EPS15L1: variants seen among roughly 807,000 people sequenced by gnomAD.
EPS15L1 encodes epidermal growth factor receptor substrate 15-like 1.
A neutral mutation model predicts 117.1 loss-of-function variants in EPS15L1; 43 were observed. The observed-to-expected ratio is 0.37, with a 90% CI of 0.29 to 0.47. The LOEUF (loss-of-function observed/expected upper bound fraction) is 0.47, where lower values mean the gene tolerates loss of function less well. EPS15L1 is among the 20% of genes least tolerant of loss of function. The pLI, the probability that EPS15L1 is intolerant of heterozygous loss-of-function variation, is 0.99. For missense variants in EPS15L1, 981 were observed against 1,164.0 expected, an observed-to-expected ratio of 0.84 and a Z score of 2.29; for synonymous variants, 459 against 470.5, an observed-to-expected ratio of 0.98 and a Z score of 0.32.
Position 16,355,846 on chromosome 19 carries a change from G to A in EPS15L1, c.2592C>T (p.Gly864=). 6.5e-7 allele frequency: 1 copy of A among 1,535,774 alleles called. No individual in the cohort carries two copies. The highest frequency in any genetic ancestry group is 8.7e-7 in the Non-Finnish European group (1 of 1,146,590). ...CCCACGCCAGCTGCTGCTCCTCATTGCCAAACTGCAAAGGAAAAACGGAGA... is the reference window on the plus strand; with the variant it reads ...CCCACGCCAGCTGCTGCTCCTCATTACCAAACTGCAAAGGAAAAACGGAGA... ...ASGFADFTSF[G]NEEQQLAWAK... is the part of the protein sequence containing the mutation. The change falls in exon 24 of 24, where the codon GGC becomes GGT. Residue 864 remains glycine, a synonymous_variant. Transcript: ENST00000455140.
At chr19:16,382,596 C>T (rs565994491) in intron 21 of EPS15L1, among the ~76,000 whole-genome samples, 6 of 150,054 alleles carry the variant, frequency 4.0e-5, no homozygotes, top group African/African-American at 1.5e-4. Context: ...AATGGGCTGA[C>T]GACTAACCCA....
At chr19:16,388,157 C>G (rs1219530946) in intron 19 of EPS15L1, among the ~76,000 whole-genome samples, 1 of 152,186 alleles carries the variant, frequency 6.6e-6, no homozygotes, top group Admixed American at 6.5e-5. Flanking sequence ...ATTCTCCTGC[C>G]TCAGCCTCCC....
intron 8 of EPS15L1, among the ~76,000 whole-genome samples, chr19:16,425,784 G>A (rs1394939056): frequency 6.6e-6 from 1 of 152,154 alleles, no homozygotes; most frequent in African/African-American, 2.4e-5. Context: ...CAGCCTGGGT[G>A]ACAGAGCGAG....
intron 1 of EPS15L1, among the ~76,000 whole-genome samples, chr19:16,467,541 C>CAA (rs200142581): frequency 1.4e-4 from 21 of 147,374 alleles, no homozygotes; most frequent in South Asian, 8.6e-4. Flanking sequence ...ACAACAAAAA[C>CAA]AAAAAAAAAA....
At chr19:16,427,868 T>G (rs1465515829) in intron 8 of EPS15L1, among the ~76,000 whole-genome samples, 4 of 151,274 alleles carry the variant, frequency 2.6e-5, no homozygotes, top group Non-Finnish European at 5.9e-5. Context: ...CACTCCAGCC[T>G]GGGTGACAGA....
Position 16,381,738 on chromosome 19 carries a change from T to C in EPS15L1, c.2247+3391A>G, listed in dbSNP as rs2092365021. ...TAGCTTTAAAATGGGCCGTTTAGGG[T>C]CGGCTGTTTGGGAAAGAATGGGGGA... On this transcript the variant is annotated intron_variant, in intron 21 of 23. Coordinates refer to ENST00000455140, the MANE Select transcript of EPS15L1 (RefSeq NM_001258374.3). The surrounding 1 kb of genome is among the most constrained non-coding windows in gnomAD (Gnocchi z 4.2). Among the ~76,000 whole-genome samples, 2 of 151,964 alleles carry C rather than the reference T, an allele frequency of 1.3e-5. No homozygotes were observed. Among genetic ancestry groups the C allele is most frequent in the South Asian group, 4.2e-4 (2 of 4,808 alleles).
intron 19 of EPS15L1, among the ~76,000 whole-genome samples, chr19:16,386,534 A>T (rs1262791744): frequency 6.6e-6 from 1 of 152,248 alleles, no homozygotes; most frequent in Non-Finnish European, 1.5e-5. Flanking sequence ...TGGCAGAAGA[A>T]CATAGCAGGA....
chr19:16,439,064 T>G (rs947952067), intron 4 of EPS15L1, among the ~76,000 whole-genome samples: 1 of 149,306 alleles, frequency 6.7e-6, no homozygotes, highest in Admixed American at 6.7e-5. Flanking sequence ...ACTTAGCTTG[T>G]TTTTTTTCTG....
At chr19:16,469,324 C>T (rs898790055) in intron 1 of EPS15L1, among the ~76,000 whole-genome samples, 13 of 152,088 alleles carry the variant, frequency 8.5e-5, no homozygotes, top group African/African-American at 2.4e-4. Flanking sequence ...TGAAGACCGA[C>T]GGGCTCCAGT....
chr19:16,379,786 T>C (rs1267148089), intron 21 of EPS15L1, among the ~76,000 whole-genome samples: 1 of 151,784 alleles, frequency 6.6e-6, no homozygotes, highest in East Asian at 1.9e-4. Context: ...AGTGCAGAGG[T>C]CTAAGGCTCC....
chr19:16,467,565 G>A (rs1035576092), intron 1 of EPS15L1, among the ~76,000 whole-genome samples: 1 of 152,158 alleles, frequency 6.6e-6, no homozygotes, highest in Non-Finnish European at 1.5e-5. Flanking sequence ...GCCAGTGCAG[G>A]TCAATAAGTG....
In EPS15L1 at chr19:16,359,598, T is replaced by C. The variant is rs139490747; in HGVS notation, c.2586+2181A>G. Among the ~76,000 whole-genome samples the C allele has an allele frequency of 6.6e-5, 10 of 152,322 alleles. No individual in the cohort carries two copies. In the East Asian group the frequency reaches 1.9e-3, roughly 29 times the overall value. On this transcript the variant is annotated intron_variant, in intron 23 of 23. Coordinates refer to ENST00000455140, the MANE Select transcript of EPS15L1 (RefSeq NM_001258374.3). ...AAAACAGGCCGGGCACAGGGGCTCA[T>C]GCCTGTAATCCCAACACTTTGGGAG... is the stretch of plus-strand genomic sequence containing the variant.
In EPS15L1 at chr19:16,371,330, T is replaced by C. The variant is rs2092221697; in HGVS notation, c.2380+5792A>G. Among the ~76,000 whole-genome samples, 2 of 152,166 alleles carry C rather than the reference T, an allele frequency of 1.3e-5. No individual in the cohort carries two copies. Among genetic ancestry groups the C allele is most frequent in the Admixed American group, 1.3e-4 (2 of 15,280 alleles). On this transcript the variant is annotated intron_variant, in intron 22 of 23. Coordinates refer to ENST00000455140, the MANE Select transcript of EPS15L1 (RefSeq NM_001258374.3). This position sits in a 1 kb window ranked among gnomAD's most constrained non-coding sequence, Gnocchi z 4.7. ...AGAACTCACGGCCACCCTGGGTGGA[T>C]GCCACACACAGGTACGGGAGGGGCT...
intron 1 of EPS15L1, among the ~76,000 whole-genome samples, chr19:16,448,919 T>C (rs1018507089): frequency 6.6e-6 from 1 of 151,744 alleles, no homozygotes; most frequent in Non-Finnish European, 1.5e-5. Flanking sequence ...ATGACTACTA[T>C]CTAAAATATA....
chr19:16,433,898 G>A (rs2092953512), intron 7 of EPS15L1, among the ~76,000 whole-genome samples: 1 of 152,086 alleles, frequency 6.6e-6, no homozygotes, highest in Non-Finnish European at 1.5e-5. Context: ...GGGAGGCAGA[G>A]GTTGCAGTGA....
At chr19:16,448,973 T>A (rs2093113997) in intron 1 of EPS15L1, among the ~76,000 whole-genome samples, 1 of 151,436 alleles carries the variant, frequency 6.6e-6, no homozygotes, top group Non-Finnish European at 1.5e-5. Flanking sequence ...AAGAAAACAA[T>A]CAAATTAGAA....
chr19:16,390,083 C>T (rs2092461023), intron 19 of EPS15L1, among the ~76,000 whole-genome samples: 1 of 151,834 alleles, frequency 6.6e-6, no homozygotes, highest in Non-Finnish European at 1.5e-5. Context: ...GGACTTCTGA[C>T]TGGATTTTAA....
chr19:16,436,682 G>A (rs2092981682), intron 6 of EPS15L1: 1 of 421,912 alleles, frequency 2.4e-6, no homozygotes, highest in South Asian at 5.3e-5. Context: ...TCCAACTCCT[G>A]ACACTTAGTT....
intron 13 of EPS15L1, chr19:16,413,046 G>A (rs1568429505): frequency 4.1e-6 from 3 of 728,646 alleles, no homozygotes; most frequent in Non-Finnish European, 7.2e-6. Flanking sequence ...ACAGACCCGC[G>A]CCGGCCAGTG....
Sources: gnomAD v4.1 joint callset for allele counts (sites outside exome capture counted in the v4.1 genomes callset) on GRCh38, gnomAD v4.1.1 for gene constraint, Gnocchi (gnomAD v3.1) non-coding constraint, MANE v1.5 for transcripts, NCBI Gene and HGNC (gene_info 2026-07-23, HGNC 2026-07-21) for gene names.